Variants in FBP2 observed in about 807,000 individuals in gnomAD.
FBP2 encodes fructose-1,6-bisphosphatase isozyme 2.
A neutral mutation model predicts 31.6 loss-of-function variants in FBP2; 27 were observed. That is an observed-to-expected ratio of 0.85 (90% confidence interval 0.63 to 1.18). The LOEUF is 1.18. Ranked by LOEUF, FBP2 falls within the 50% of genes most tolerant of loss-of-function variation. The probability of loss-of-function intolerance (pLI) is 0.00; values close to 1 mark genes in which losing one functional copy is unlikely to be tolerated. For synonymous variants in FBP2, 168 were observed against 179.8 expected (o/e 0.93, Z 0.53); for missense variants, 421 against 436.1 (o/e 0.97, Z 0.31).
intron 2 of FBP2, chr9:94,586,609 G>A (rs1207857805): frequency 2.0e-5 from 3 of 152,206 alleles, no homozygotes; most frequent in Non-Finnish European, 4.4e-5. Flanking sequence ...TAGAGCAGAG[G>A]TTAAATAAAT....
intron 5 of FBP2, among the ~76,000 whole-genome samples, chr9:94,566,630 G>A (rs1430724440): frequency 6.6e-6 from 1 of 152,226 alleles, no homozygotes; most frequent in Non-Finnish European, 1.5e-5. Context: ...CTGTGTGTGT[G>A]TCTTTAATTC....
Position 94,567,319 on chromosome 9 carries a change from T to G in FBP2, c.656A>C (p.Tyr219Ser). The change falls in exon 5 of 7, where the codon TAT becomes TCT. Residue 219 changes from tyrosine (Y) to serine (S), a missense_variant. Transcript: ENST00000375337. ...IYSLNEGYAK[Y>S]FDAATTEYVQ... ...ATATTCAGTGGTGGCCGCATCAAAA[T>G]ACTTGGCATAGCCCTCATTCAGGCT... The G allele has an allele frequency of 1.9e-6, 3 of 1,614,202 alleles. No individual in the cohort carries two copies. Among genetic ancestry groups the G allele is most frequent in the Non-Finnish European group, 2.5e-6 (3 of 1,180,030 alleles).
At chr9:94,559,823 C>G (rs1001493197) in intron 6 of FBP2, among the ~76,000 whole-genome samples, 4 of 152,144 alleles carry the variant, frequency 2.6e-5, no homozygotes, top group Non-Finnish European at 5.9e-5. Context: ...ACTGTACTAT[C>G]TGTATTCTCA....
chr9:94,570,549 TACA>T (rs1202674314), intron 4 of FBP2: 2 of 152,250 alleles, frequency 1.3e-5, no homozygotes, highest in Admixed American at 6.5e-5. Flanking sequence ...GCTGTTATTC[TACA>T]ACAACTTTAG....
intron 3 of FBP2, among the ~76,000 whole-genome samples, chr9:94,578,498 TTTAAA>T (rs1339178535): frequency 6.6e-6 from 1 of 152,092 alleles, no homozygotes; most frequent in African/African-American, 2.4e-5. Context: ...TTAAAATTAT[TTTAAA>T]TTAAATAATA....
chr9:94,592,188 G>C (rs1340883702), intron 1 of FBP2, among the ~76,000 whole-genome samples: 2 of 152,212 alleles, frequency 1.3e-5, no homozygotes, highest in African/African-American at 4.8e-5. Flanking sequence ...ATTAAATGCA[G>C]AGCGTGGCTG....
intron 3 of FBP2, among the ~76,000 whole-genome samples, chr9:94,571,912 C>G (rs899245930): frequency 1.3e-5 from 2 of 152,158 alleles, no homozygotes; most frequent in African/African-American, 4.8e-5. Flanking sequence ...TGTTCCCAAG[C>G]CACGATACTC....
At chr9:94,590,456 G>GGGT (rs60148242) in intron 1 of FBP2, among the ~76,000 whole-genome samples, 134,534 of 151,832 alleles carry the variant, frequency 0.89, 59,691 homozygotes, top group African/African-American at 0.94. Context: ...TCCCCTGCCT[G>GGGT]GGTGGTGGTG....
Position 94,558,832 on chromosome 9 carries a change from G to A in FBP2, c.*106C>T. 3 of 1,073,258 alleles carry A rather than the reference G, an allele frequency of 2.8e-6. No individual in the cohort carries two copies. Among genetic ancestry groups the A allele is most frequent in the Non-Finnish European group, 4.2e-6 (3 of 714,494 alleles). 66.5% of individuals were successfully genotyped at this position (1,073,258 alleles called of 1,614,324 possible). A position where few individuals can be genotyped will look rare whatever the true frequency, so the allele number is the denominator to read the frequency against. On this transcript the variant is annotated 3_prime_UTR_variant, in exon 7 of 7. Coordinates refer to ENST00000375337, the MANE Select transcript of FBP2 (RefSeq NM_003837.4). The stretch of plus-strand genomic sequence containing the variant: ...TTGCTCTTCTGTATGTGATTAAGTG[G>A]ATTTACCTTTTGTATACTCATAGCT...
chr9:94,561,556 G>A (rs959156874), intron 6 of FBP2, among the ~76,000 whole-genome samples: 13 of 151,878 alleles, frequency 8.6e-5, no homozygotes, highest in East Asian at 1.9e-4. Context: ...TAGTAGAGAC[G>A]GGGTTTCACT....
At chr9:94,572,375 A>G (rs642035) in intron 3 of FBP2, among the ~76,000 whole-genome samples, 7 of 151,866 alleles carry the variant, frequency 4.6e-5, no homozygotes, top group Non-Finnish European at 8.8e-5. Flanking sequence ...TTCATAGATT[A>G]GTGATTCAAA....
chr9:94,577,836 A>C (rs1827331790), intron 3 of FBP2: 1 of 151,500 alleles, frequency 6.6e-6, no homozygotes, highest in Non-Finnish European at 1.5e-5. Context: ...GAGTTCTCAG[A>C]TAAAAGCTCT....
chr9:94,590,615 G>C (rs903313156), intron 1 of FBP2, among the ~76,000 whole-genome samples: 1 of 152,212 alleles, frequency 6.6e-6, no homozygotes, highest in African/African-American at 2.4e-5. Flanking sequence ...CAGAAGTGAA[G>C]CTGCAGATCT....
Position 94,593,777 on chromosome 9 carries a change from C to CT in FBP2, c.-52dup. On this transcript the variant is annotated 5_prime_UTR_variant, in exon 1 of 7. Transcript: ENST00000375337. ...TTCTCCCGGCAGGAAACCTTGCTTA[C>CT]TTCTGAGGGCTGCAGCTCCGCAGTG... is the stretch of plus-strand genomic sequence containing the variant. 2 of 1,592,608 alleles carry CT rather than the reference C, an allele frequency of 1.3e-6. No individual in the cohort carries two copies. Among genetic ancestry groups the CT allele is most frequent in the South Asian group, 2.3e-5 (2 of 88,364 alleles).
intron 6 of FBP2, among the ~76,000 whole-genome samples, chr9:94,559,850 G>A (rs1010040812): frequency 1.3e-5 from 2 of 152,198 alleles, no homozygotes; most frequent in Non-Finnish European, 2.9e-5. Context: ...CCGACACAGA[G>A]AAAGTGTTGG....
At chr9:94,581,322 A>G (rs1827370603) in intron 3 of FBP2, among the ~76,000 whole-genome samples, 1 of 152,184 alleles carries the variant, frequency 6.6e-6, no homozygotes, top group African/African-American at 2.4e-5. Context: ...TCAACAGCTG[A>G]ACAAAAGGCT....
Position 94,567,613 on chromosome 9 carries a change from A to G in FBP2, c.568-206T>C, listed in dbSNP as rs553185170. 6 of 540,634 alleles carry G rather than the reference A, an allele frequency of 1.1e-5. No individual in the cohort carries two copies. The East Asian group carries it at 1.4e-4, about 13-fold the overall frequency. 33.5% of individuals were successfully genotyped at this position (540,634 alleles called of 1,614,324 possible). On this transcript the variant is annotated intron_variant, in intron 4 of 6. Coordinates refer to ENST00000375337, the MANE Select transcript of FBP2 (RefSeq NM_003837.4). The stretch of plus-strand genomic sequence containing the variant: ...TGGAGCCCACACAGGAAGCTCTAGC[A>G]GTAACACAGCAAGCAGGAAGACAAT...
chr9:94,558,947 T>C lies in FBP2; in HGVS notation c.1011A>G (p.Ala337=). Residue 337 remains alanine, a synonymous_variant, in exon 7 of 7, where the codon GCA becomes GCG. Coordinates refer to ENST00000375337, the MANE Select transcript of FBP2 (RefSeq NM_003837.4). The part of the protein sequence containing the change: ...EYLTCVQKNQ[A]GS ...TGTGGGGTCAAACTCGCTAGCTGCC[T>C]GCCTGATTTTTCTGCACACAGGTGA... The C allele has an allele frequency of 6.2e-7, 1 of 1,614,056 alleles. No individual in the cohort carries two copies. The highest frequency in any genetic ancestry group is 8.5e-7 in the Non-Finnish European group (1 of 1,179,996).
At chr9:94,566,728 T>C (rs996757947) in intron 5 of FBP2, among the ~76,000 whole-genome samples, 1 of 152,226 alleles carries the variant, frequency 6.6e-6, no homozygotes, top group Non-Finnish European at 1.5e-5. Flanking sequence ...TTAAAAAGAC[T>C]GCCTTAAGAT....
Sources: gnomAD v4.1 joint callset for allele counts (sites outside exome capture counted in the v4.1 genomes callset) on GRCh38, gnomAD v4.1.1 for gene constraint, MANE v1.5 for transcripts, NCBI Gene and HGNC (gene_info 2026-07-23, HGNC 2026-07-21) for gene names.